The following NFIB variants were observed in gnomAD, a reference collection of about 807,000 sequenced individuals.
NFIB encodes nuclear factor I B, also known as nuclear factor 1 B-type.
In NFIB, 11 loss-of-function variants were observed where a neutral mutation model predicts 61.5. The ratio of observed to expected loss-of-function variants is 0.18; its 90% CI spans 0.11 to 0.30. The LOEUF (loss-of-function observed/expected upper bound fraction) is 0.30, where lower values mean the gene tolerates loss of function less well. Among genes scored for constraint, NFIB ranks in the 10% least tolerant of loss-of-function variants. NFIB has a pLI of 1.00. For missense variants in NFIB, 471 were observed against 608.9 expected, an observed-to-expected ratio of 0.77 and a Z score of 2.38; for synonymous variants, 260 against 216.5, an observed-to-expected ratio of 1.20 and a Z score of -1.76.
chr9:14,519,064 A>G, the NFIB span, among the ~76,000 whole-genome samples: 1 of 152,132 alleles, frequency 6.6e-6, no homozygotes, highest in African/African-American at 2.4e-5. Flanking sequence ...TTGCTAATGA[A>G]CAGCTCATTT....
upstream of NFIB, among the ~76,000 whole-genome samples, chr9:14,403,009 A>T (rs73641923): frequency 1.0e-3 from 157 of 152,330 alleles, 1 homozygote; most frequent in African/African-American, 3.6e-3. Flanking sequence ...GAAATACTGA[A>T]TCTGGACTGG....
chr9:14,461,777 G>A, the NFIB span, among the ~76,000 whole-genome samples: 3 of 152,210 alleles, frequency 2.0e-5, no homozygotes, highest in Admixed American at 2.0e-4. Flanking sequence ...CTAAGTTGTG[G>A]AAACTTTGCC....
At chr9:14,425,927 C>G in the NFIB span, among the ~76,000 whole-genome samples, 1 of 152,194 alleles carries the variant, frequency 6.6e-6, no homozygotes, top group Non-Finnish European at 1.5e-5. Context: ...TTCCTTTTGA[C>G]TAAAGGAAGA....
chr9:14,447,747 G>A, the NFIB span, among the ~76,000 whole-genome samples: 2 of 152,026 alleles, frequency 1.3e-5, no homozygotes, highest in South Asian at 2.1e-4. Context: ...CTACCTTGGT[G>A]GGCTCTGGGA....
chr9:14,164,747 C>G (rs1208343953), intron 3 of NFIB, among the ~76,000 whole-genome samples: 2 of 152,096 alleles, frequency 1.3e-5, no homozygotes, highest in African/African-American at 4.8e-5. Context: ...GACCGATTAT[C>G]CTAGTGTAGT....
chr9:14,460,058 C>T, the NFIB span, among the ~76,000 whole-genome samples: 2 of 152,102 alleles, frequency 1.3e-5, no homozygotes, highest in African/African-American at 4.8e-5. Flanking sequence ...GCTATAAAGA[C>T]ACATGCACAC....
chr9:14,092,803 C>T (rs1327697248), intron 10 of NFIB, among the ~76,000 whole-genome samples: 1 of 151,818 alleles, frequency 6.6e-6, no homozygotes, highest in East Asian at 1.9e-4. Context: ...AGGATTAAGG[C>T]GGAAGAAGAT....
intron 4 of NFIB, among the ~76,000 whole-genome samples, chr9:14,150,502 C>T (rs550749360): frequency 1.8e-4 from 27 of 152,076 alleles, no homozygotes; most frequent in African/African-American, 4.1e-4. Context: ...ACCAATTTCC[C>T]GAATCCTATT....
chr9:14,309,233 G>A (rs1399468072), intron 1 of NFIB, among the ~76,000 whole-genome samples: 1 of 152,138 alleles, frequency 6.6e-6, no homozygotes, highest in Non-Finnish European at 1.5e-5. Flanking sequence ...AACAAAGAAG[G>A]TGTCAAAAAT....
chr9:14,142,667 A>T (rs1346293728), intron 6 of NFIB, among the ~76,000 whole-genome samples: 1 of 152,226 alleles, frequency 6.6e-6, no homozygotes, highest in Non-Finnish European at 1.5e-5. Flanking sequence ...AAGAAAGACA[A>T]GATCTTAATG....
At chr9:14,366,518 C>A (rs2061302037) in intron 1 of NFIB, among the ~76,000 whole-genome samples, 1 of 151,718 alleles carries the variant, frequency 6.6e-6, no homozygotes, top group Non-Finnish European at 1.5e-5. Context: ...CAGAGTCTTG[C>A]TCTGTCAACC....
At chr9:14,484,402 T>C in the NFIB span, among the ~76,000 whole-genome samples, 3 of 152,244 alleles carry the variant, frequency 2.0e-5, no homozygotes, top group Non-Finnish European at 1.5e-5. Flanking sequence ...CATATATCCT[T>C]GTATGCTAAC....
chr9:14,310,067 T>A (rs1020187320), intron 1 of NFIB, among the ~76,000 whole-genome samples: 1 of 152,232 alleles, frequency 6.6e-6, no homozygotes, highest in African/African-American at 2.4e-5. Context: ...TGATTAAATT[T>A]GAGTTTCAAT....
At chr9:14,162,074 C>A (rs2044265128) in intron 3 of NFIB, among the ~76,000 whole-genome samples, 1 of 152,088 alleles carries the variant, frequency 6.6e-6, no homozygotes, top group Admixed American at 6.6e-5. Flanking sequence ...GAGCATATTT[C>A]TTTCACCAGA....
intron 2 of NFIB, among the ~76,000 whole-genome samples, chr9:14,301,865 A>G (rs911727880): frequency 6.6e-6 from 1 of 152,210 alleles, no homozygotes; most frequent in African/African-American, 2.4e-5. Context: ...TAAGCCTAGG[A>G]GCAAGACATG....
chr9:14,290,607 G>C (rs2059027815), intron 2 of NFIB, among the ~76,000 whole-genome samples: 1 of 152,024 alleles, frequency 6.6e-6, no homozygotes, highest in South Asian at 2.1e-4. Flanking sequence ...ACGTGCTATT[G>C]CTAATACAGA....
chr9:14,283,809 G>C (rs754409149), intron 2 of NFIB, among the ~76,000 whole-genome samples: 1 of 152,330 alleles, frequency 6.6e-6, no homozygotes, highest in East Asian at 1.9e-4. Flanking sequence ...AGGACAAACA[G>C]ATGCACATCT....
At position 14,347,661 on chromosome 9, in the gene NFIB, G is replaced by T. The variant is rs113435252; in HGVS notation, c.109-40141C>A. ...GATCCAAGTCTCTTCGGTCAGGTCC[G>T]CCCAAGGTCCCAGAGGCACTGGGGG... On this transcript the variant is annotated intron_variant, in intron 1 of 8. Transcript: ENST00000380934. 1.3e-5 allele frequency among the ~76,000 whole-genome samples: 2 copies of T among 152,240 alleles called. 1 individual carries two copies. The highest frequency in any genetic ancestry group is 4.8e-5 in the African/African-American group (2 of 41,552).
intron 7 of NFIB, among the ~76,000 whole-genome samples, chr9:14,121,830 A>C (rs889334577): frequency 2.0e-5 from 3 of 152,198 alleles, no homozygotes; most frequent in Non-Finnish European, 2.9e-5. Context: ...CAATTTTACT[A>C]TAACTTCTCA....
Sources: gnomAD v4.1 joint callset for allele counts (sites outside exome capture counted in the v4.1 genomes callset) on GRCh38, gnomAD v4.1.1 for gene constraint, MANE v1.5 for transcripts, NCBI Gene and HGNC (gene_info 2026-07-23, HGNC 2026-07-21) for gene names.